Variants in VLDLR observed in about 807,000 individuals in gnomAD.
VLDLR encodes the protein very low density lipoprotein receptor, also known as very low-density lipoprotein receptor.
In VLDLR, 81 loss-of-function variants were observed where a neutral mutation model predicts 112.7. That is an observed-to-expected ratio of 0.72 (90% CI 0.60 to 0.86). The LOEUF (loss-of-function observed/expected upper bound fraction) is 0.86. Ranked by LOEUF, VLDLR falls within the 40% of genes least tolerant of loss-of-function variation. VLDLR has a pLI of 0.00. For synonymous variants in VLDLR, 436 were observed against 384.8 expected, an observed-to-expected ratio of 1.13 and a Z score of -1.56; for missense variants, 1,237 against 1,099.4, an observed-to-expected ratio of 1.13 and a Z score of -1.77.
chr9:2,653,305 T>C (rs1818436494), intron 18 of VLDLR, among the ~76,000 whole-genome samples: 1 of 151,608 alleles, frequency 6.6e-6, no homozygotes, highest in Admixed American at 6.6e-5. Flanking sequence ...TATAGGGGAG[T>C]TGGCTTAAAG....
At chr9:2,630,670 A>G (rs571825759) in intron 1 of VLDLR, among the ~76,000 whole-genome samples, 1 of 152,222 alleles carries the variant, frequency 6.6e-6, no homozygotes, top group African/African-American at 2.4e-5. Flanking sequence ...CTTATGTATT[A>G]GTCCTCCATG....
Position 2,653,911 on chromosome 9 carries a change from AC to A in VLDLR, c.*48del, listed in dbSNP as rs770526257. 2 of 1,606,700 alleles carry A rather than the reference AC, an allele frequency of 1.2e-6. No homozygotes were observed. Among genetic ancestry groups the A allele is most frequent in the East Asian group, 2.2e-5 (1 of 44,690 alleles). ...GACCTTTGAGGTCTAAACAAATAAT[AC>A]CCCCGTCGGAATGGTAACCGAGCCA... On this transcript the variant is annotated 3_prime_UTR_variant, in exon 19 of 19. Coordinates refer to ENST00000382100, the MANE Select transcript of VLDLR (RefSeq NM_003383.5).
At chr9:2,641,877 T>A (rs1016916768) in intron 4 of VLDLR, among the ~76,000 whole-genome samples, 11 of 151,904 alleles carry the variant, frequency 7.2e-5, no homozygotes, top group African/African-American at 2.4e-4. Context: ...CATTCATAGG[T>A]CTAAATTTGA....
chr9:2,646,691 T>C (rs942564721), intron 11 of VLDLR, 139 bp downstream of exon 11: 42 of 935,950 alleles, frequency 4.5e-5, no homozygotes, highest in East Asian at 3.1e-4. Context: ...ATTTAAGATA[T>C]CAGTTTTGCC....
chr9:2,632,814 T>G (rs1419111928), intron 1 of VLDLR, among the ~76,000 whole-genome samples: 2 of 152,182 alleles, frequency 1.3e-5, no homozygotes, highest in African/African-American at 2.4e-5. Flanking sequence ...TAGGGAGCAC[T>G]TTCTGCCCAG....
In VLDLR at chr9:2,621,819, C is replaced by T. The variant is rs1274829199; in HGVS notation, c.-371C>T. The T allele has an allele frequency of 6.2e-6, 3 of 484,170 alleles. No homozygotes were observed. Among genetic ancestry groups the T allele is most frequent in the Admixed American group, 2.4e-5 (1 of 41,112 alleles). The allele number at this position is 484,170 out of a possible 1,614,324, so 30.0% of individuals were successfully genotyped here. A position where few individuals can be genotyped will look rare whatever the true frequency, so the allele number is the denominator to read the frequency against. ...TCTCCGGCCGCCGCCGGTGCGGGTG[C>T]TCCGCTACCGGCTCCTCTCCGTTCT... On this transcript the variant is annotated 5_prime_UTR_variant, in exon 1 of 19. Transcript: ENST00000382100.
chr9:2,639,271 T>C (rs1185992365), intron 2 of VLDLR, among the ~76,000 whole-genome samples: 1 of 152,208 alleles, frequency 6.6e-6, no homozygotes, highest in East Asian at 1.9e-4. Flanking sequence ...ACATAGTAGA[T>C]AACAAAGAGA....
rs1817496159 is a variant in VLDLR, at chr9:2,634,193, C to T, written c.83-1260C>T. Reference sequence around the variant, plus strand: ...TCTCCCTGGGAAGAGCCACAAAGCACGAAATGCTCCCAGACAGCAGGGAGT... The same window carrying T: ...TCTCCCTGGGAAGAGCCACAAAGCATGAAATGCTCCCAGACAGCAGGGAGT... On this transcript the variant is annotated intron_variant, in intron 1 of 18. Transcript: ENST00000382100. 2.0e-5 allele frequency among the ~76,000 whole-genome samples: 3 copies of T among 152,140 alleles called. 1 individual carries two copies. In the South Asian group the frequency reaches 6.2e-4, roughly 32 times the overall value.
rs543464777 is a variant in VLDLR at position 2,622,176 on chromosome 9, T to C, written c.-14T>C. The C allele has an allele frequency of 1.2e-5, 18 of 1,454,080 alleles. No homozygotes were observed. In the African/African-American group the frequency reaches 2.5e-4, roughly 20 times the overall value. 90.1% of individuals were successfully genotyped at this position (1,454,080 alleles called of 1,614,324 possible). ...GGCGGCGGCGGCGGCGGCGGCACCA[T>C]CCAGGCGGGCACCATGGGCACGTCC... is the stretch of plus-strand genomic sequence containing the variant. On this transcript the variant is annotated 5_prime_UTR_variant, in exon 1 of 19. Coordinates refer to ENST00000382100, the MANE Select transcript of VLDLR (RefSeq NM_003383.5).
chr9:2,645,956 C>T (rs1168841695), intron 10 of VLDLR, among the ~76,000 whole-genome samples: 2 of 152,080 alleles, frequency 1.3e-5, no homozygotes, highest in Non-Finnish European at 2.9e-5. Context: ...AAGATGACAT[C>T]TTTCATATTT....
At chr9:2,628,844 G>A (rs1817214041) in intron 1 of VLDLR, among the ~76,000 whole-genome samples, 2 of 152,108 alleles carry the variant, frequency 1.3e-5, no homozygotes, top group South Asian at 4.1e-4. Context: ...TAGTTTTGAG[G>A]GCTTTACTCA....
intron 3 of VLDLR, 27 bp from the exon 4 acceptor site, chr9:2,641,350 T>C: frequency 6.2e-7 from 1 of 1,613,862 alleles, no homozygotes; most frequent in Non-Finnish European, 8.5e-7. Context: ...GTTCTGAGGC[T>C]CTTTTGAGAC....
At chr9:2,630,317 A>C (rs1239462642) in intron 1 of VLDLR, among the ~76,000 whole-genome samples, 1 of 152,186 alleles carries the variant, frequency 6.6e-6, no homozygotes, top group African/African-American at 2.4e-5. Context: ...CAAGCAGTAG[A>C]AGTGAACTAG....
At position 2,654,164 on chromosome 9, in the gene VLDLR, G is replaced by C; in HGVS notation, c.*296G>C. On this transcript the variant is annotated 3_prime_UTR_variant, in exon 19 of 19. Transcript: ENST00000382100. ...ACTTTCCCTAGAAAGCCATATTCCA[G>C]CAGTGAAACTTGTGCTATAGTGTAT... 2.3e-6 allele frequency: 1 copy of C among 429,688 alleles called. No homozygotes were observed. Among genetic ancestry groups the C allele is most frequent in the East Asian group, 4.9e-5 (1 of 20,254 alleles). 26.6% of individuals were successfully genotyped at this position (429,688 alleles called of 1,614,324 possible). A position where few individuals can be genotyped will look rare whatever the true frequency, so the allele number is the denominator to read the frequency against.
At chr9:2,646,825 C>T (rs1818100150) in intron 11 of VLDLR, among the ~76,000 whole-genome samples, 1 of 152,156 alleles carries the variant, frequency 6.6e-6, no homozygotes, top group South Asian at 2.1e-4. Context: ...GTACCAAAAG[C>T]TGTATCTGAA....
chr9:2,648,535 C>A (rs956143162), intron 13 of VLDLR, 134 bp from the exon 14 acceptor site: 3 of 1,526,956 alleles, frequency 2.0e-6, no homozygotes, highest in Non-Finnish European at 1.8e-6. Flanking sequence ...GATTCTTTTA[C>A]AGTTTTATAT....
At chr9:2,633,606 C>A (rs185031868) in intron 1 of VLDLR, among the ~76,000 whole-genome samples, 42 of 152,148 alleles carry the variant, frequency 2.8e-4, no homozygotes, top group African/African-American at 9.2e-4. Flanking sequence ...CCTTTGGTAA[C>A]TAAAACCTTA....
chr9:2,649,931 G>A (rs1475257638), intron 14 of VLDLR, among the ~76,000 whole-genome samples: 1 of 152,114 alleles, frequency 6.6e-6, no homozygotes, highest in African/African-American at 2.4e-5. Context: ...AAAACACTTG[G>A]CTGGTTCTAT....
rs1331615886 is a variant in VLDLR at position 2,631,338 on chromosome 9, T to C, written c.83-4115T>C. Among the ~76,000 whole-genome samples the C allele has an allele frequency of 2.6e-5, 4 of 152,302 alleles. No individual in the cohort carries two copies. In the East Asian group the frequency reaches 7.7e-4, roughly 29 times the overall value. ...GGTATCTACCCAAAGGAAAAATCAG[T>C]ATATCCAAGGGATACCTGCACTGGC... On this transcript the variant is annotated intron_variant, in intron 1 of 18. Transcript: ENST00000382100.
Sources: gnomAD v4.1 joint callset for allele counts (sites outside exome capture counted in the v4.1 genomes callset) on GRCh38, gnomAD v4.1.1 for gene constraint, MANE v1.5 for transcripts, NCBI Gene and HGNC (gene_info 2026-07-23, HGNC 2026-07-21) for gene names.